The following CTNNA2 variants were observed in gnomAD, a reference collection of about 807,000 sequenced individuals.
The protein encoded by CTNNA2 is catenin alpha-2.
CTNNA2 carries 42 observed loss-of-function variants against 101.0 expected under a neutral mutation model. The ratio of observed to expected loss-of-function variants is 0.42; its 90% CI spans 0.32 to 0.54. The LOEUF is 0.54. CTNNA2 is among the 20% of genes least tolerant of loss of function. CTNNA2 has a pLI of 0.14. For missense variants in CTNNA2, 871 were observed against 1,223.1 expected, an observed-to-expected ratio of 0.71 and a Z score of 4.29; for synonymous variants, 450 against 456.4, an observed-to-expected ratio of 0.99 and a Z score of 0.18.
intron 18 of CTNNA2, among the ~76,000 whole-genome samples, chr2:80,642,272 C>T (rs1673575068): frequency 6.6e-6 from 1 of 152,114 alleles, no homozygotes; most frequent in South Asian, 2.1e-4. Context: ...GAAGCTGTTT[C>T]CCTTCTCCTA....
At chr2:80,524,526 C>T (rs1349835862) in intron 9 of CTNNA2, among the ~76,000 whole-genome samples, 2 of 152,146 alleles carry the variant, frequency 1.3e-5, no homozygotes, top group Non-Finnish European at 2.9e-5. Flanking sequence ...GTGCTGACTT[C>T]CATCCCAGCC....
At chr2:80,230,088 AGAG>A (rs2149071752) in intron 7 of CTNNA2, among the ~76,000 whole-genome samples, 1 of 152,310 alleles carries the variant, frequency 6.6e-6, no homozygotes, top group East Asian at 1.9e-4. Flanking sequence ...GCTACACCAT[AGAG>A]CCTAGGCAAG....
chr2:79,699,788 TACACACACACACAC>T (rs377095429), intron 2 of CTNNA2, among the ~76,000 whole-genome samples: 11,180 of 119,918 alleles, frequency 0.093, 509 homozygotes, highest in Non-Finnish European at 0.12. Flanking sequence ...AAGAAAAAAA[TACACACACACACAC>T]ACACACACAC....
At chr2:79,259,450 A>C (rs768507734) in intron 2 of CTNNA2, among the ~76,000 whole-genome samples, 1 of 152,228 alleles carries the variant, frequency 6.6e-6, no homozygotes, top group Non-Finnish European at 1.5e-5. Context: ...GAACAGGAAA[A>C]GAATCTGAGA....
At chr2:79,492,649 C>T (rs912494616) in intron 4 of CTNNA2, among the ~76,000 whole-genome samples, 19 of 151,982 alleles carry the variant, frequency 1.3e-4, no homozygotes, top group African/African-American at 2.4e-5. Context: ...AAAGCCCAAA[C>T]ATATAAAGAA....
chr2:80,368,138 T>C (rs1264415099), intron 7 of CTNNA2, among the ~76,000 whole-genome samples: 1 of 152,172 alleles, frequency 6.6e-6, no homozygotes, highest in Non-Finnish European at 1.5e-5. Flanking sequence ...TGTCATACAC[T>C]GTTTTGGCAT....
At chr2:80,438,735 C>G (rs1682283256) in intron 9 of CTNNA2, among the ~76,000 whole-genome samples, 1 of 152,102 alleles carries the variant, frequency 6.6e-6, no homozygotes, top group Non-Finnish European at 1.5e-5. Context: ...TAGTGATACT[C>G]CTCATTCCAT....
At chr2:80,446,443 A>G (rs765319430) in intron 9 of CTNNA2, among the ~76,000 whole-genome samples, 1 of 152,238 alleles carries the variant, frequency 6.6e-6, no homozygotes, top group Non-Finnish European at 1.5e-5. Flanking sequence ...GATAGACTAT[A>G]TGCTAGAATA....
intron 7 of CTNNA2, among the ~76,000 whole-genome samples, chr2:80,387,216 G>A (rs1276843117): frequency 1.3e-5 from 2 of 152,118 alleles, no homozygotes; most frequent in African/African-American, 2.4e-5. Flanking sequence ...ATGAACCCGG[G>A]AGGCGGAGCT....
At chr2:80,449,034 G>T (rs575466727) in intron 9 of CTNNA2, among the ~76,000 whole-genome samples, 1 of 152,284 alleles carries the variant, frequency 6.6e-6, no homozygotes, top group South Asian at 2.1e-4. Flanking sequence ...CGACATTGAT[G>T]ATATGGGTTT....
intron 2 of CTNNA2, among the ~76,000 whole-genome samples, chr2:79,251,045 C>T (rs1674764751): frequency 6.6e-6 from 1 of 152,196 alleles, no homozygotes; most frequent in South Asian, 2.1e-4. Flanking sequence ...TAAAATCTGG[C>T]ACTTCCTACA....
chr2:79,699,601 T>A (rs929821706), intron 2 of CTNNA2, among the ~76,000 whole-genome samples: 1 of 151,786 alleles, frequency 6.6e-6, no homozygotes, highest in East Asian at 1.9e-4. Context: ...TTCTTTTTTT[T>A]AATCAAAATA....
intron 6 of CTNNA2, among the ~76,000 whole-genome samples, chr2:79,875,206 TGTGA>T (rs1304960992): frequency 6.6e-6 from 1 of 152,074 alleles, no homozygotes; most frequent in East Asian, 1.9e-4. Flanking sequence ...GAAGCATCAG[TGTGA>T]GTGAGAAGGT....
intron 7 of CTNNA2, among the ~76,000 whole-genome samples, chr2:79,988,563 A>G (rs1166370758): frequency 2.0e-5 from 3 of 152,128 alleles, no homozygotes; most frequent in Non-Finnish European, 4.4e-5. Context: ...CTCCACATCT[A>G]TATTTTTATT....
At chr2:79,957,613 C>T (rs1368541872) in intron 7 of CTNNA2, among the ~76,000 whole-genome samples, 1 of 152,174 alleles carries the variant, frequency 6.6e-6, no homozygotes, top group Non-Finnish European at 1.5e-5. Flanking sequence ...CTGTTGCAAT[C>T]TCTGAGAATC....
chr2:79,521,393 C>T lies in CTNNA2; in HGVS notation c.-6+8186C>T, dbSNP rs527428553. On this transcript the variant is annotated intron_variant, in intron 1 of 18. Transcript: ENST00000402739. ...CTAGCACACCGTCATGCAGCAGCAG[C>T]GTCTCTTCCTGCAGAATGAGGAGGT... Among the ~76,000 whole-genome samples, 6 of 151,998 alleles carry T rather than the reference C, an allele frequency of 3.9e-5. No individual in the cohort carries two copies. In the East Asian group the frequency reaches 5.8e-4, roughly 15 times the overall value.
At chr2:79,433,242 G>A (rs897622686) in intron 4 of CTNNA2, among the ~76,000 whole-genome samples, 1 of 152,146 alleles carries the variant, frequency 6.6e-6, no homozygotes, top group African/African-American at 2.4e-5. Flanking sequence ...AAAAAGGAAT[G>A]TGTCCCTAGT....
At chr2:79,460,649 CT>C (rs1670868004) in intron 4 of CTNNA2, among the ~76,000 whole-genome samples, 1 of 152,138 alleles carries the variant, frequency 6.6e-6, no homozygotes, top group Admixed American at 6.5e-5. Flanking sequence ...CTCTACTCTC[CT>C]TATGTCTGGG....
intron 7 of CTNNA2, among the ~76,000 whole-genome samples, chr2:80,034,305 TACAA>T (rs1695504977): frequency 6.6e-6 from 1 of 150,628 alleles, no homozygotes; most frequent in Non-Finnish European, 1.5e-5. Flanking sequence ...GACAGGGAAG[TACAA>T]ACAGTTCTTA....
Sources: gnomAD v4.1 joint callset for allele counts (sites outside exome capture counted in the v4.1 genomes callset) on GRCh38, gnomAD v4.1.1 for gene constraint, MANE v1.5 for transcripts, NCBI Gene and HGNC (gene_info 2026-07-23, HGNC 2026-07-21) for gene names.